MCPH1: variants seen among roughly 807,000 people sequenced by gnomAD.
MCPH1 encodes microcephalin.
In MCPH1, 104 loss-of-function variants were observed where a neutral mutation model predicts 84.5. The ratio of observed to expected loss-of-function variants is 1.23; its 90% CI spans 1.05 to 1.45. MCPH1 has a LOEUF of 1.45. Ranked by LOEUF, MCPH1 falls within the 40% of genes most tolerant of loss-of-function variation. MCPH1 has a pLI of 0.00. For missense variants in MCPH1, 1,498 were observed against 1,005.7 expected, an observed-to-expected ratio of 1.49 and a Z score of -6.62; for synonymous variants, 514 against 366.8, an observed-to-expected ratio of 1.40 and a Z score of -4.58.
chr8:6,417,551 C>A (rs1799494477), intron 3 of MCPH1, among the ~76,000 whole-genome samples: 1 of 151,736 alleles, frequency 6.6e-6, no homozygotes, highest in East Asian at 1.9e-4. Context: ...GATCTTTTTT[C>A]AAGTTCATTG....
chr8:6,410,511 A>G (rs1280820846), intron 2 of MCPH1, among the ~76,000 whole-genome samples: 2 of 152,206 alleles, frequency 1.3e-5, no homozygotes, highest in Non-Finnish European at 2.9e-5. Flanking sequence ...TAGTATAGCC[A>G]TCTCTGTTAT....
intron 12 of MCPH1, among the ~76,000 whole-genome samples, chr8:6,507,272 A>G (rs949708088): frequency 3.3e-5 from 5 of 152,244 alleles, no homozygotes; most frequent in Non-Finnish European, 7.3e-5. Context: ...ACTTTCATTT[A>G]TAAAACATGT....
intron 3 of MCPH1, among the ~76,000 whole-genome samples, chr8:6,427,834 C>T (rs575061836): frequency 1.4e-4 from 21 of 151,116 alleles, no homozygotes; most frequent in African/African-American, 4.4e-4. Flanking sequence ...GCTCTGTCGC[C>T]CAGACTGGAG....
intron 12 of MCPH1, among the ~76,000 whole-genome samples, chr8:6,558,338 C>T (rs977024275): frequency 2.0e-5 from 3 of 152,052 alleles, no homozygotes; most frequent in African/African-American, 7.2e-5. Context: ...TTTTACCTTG[C>T]CCATATCTTA....
At chr8:6,579,746 C>T (rs959896811) in intron 12 of MCPH1, among the ~76,000 whole-genome samples, 1 of 152,144 alleles carries the variant, frequency 6.6e-6, no homozygotes, top group Non-Finnish European at 1.5e-5. Context: ...CTCTTTACAG[C>T]CCCAAAGCAC....
At chr8:6,466,281 C>G (rs1348558844) in intron 9 of MCPH1, among the ~76,000 whole-genome samples, 1 of 151,596 alleles carries the variant, frequency 6.6e-6, no homozygotes, top group Non-Finnish European at 1.5e-5. Context: ...GTACTAGAGG[C>G]ACGTTCCATC....
At chr8:6,495,820 G>A (rs1811161690) in intron 11 of MCPH1, among the ~76,000 whole-genome samples, 1 of 152,180 alleles carries the variant, frequency 6.6e-6, no homozygotes. Flanking sequence ...AAAGCGGAAT[G>A]TAAAACATAC....
chr8:6,430,461 G>A (rs1280326487), intron 3 of MCPH1, among the ~76,000 whole-genome samples: 1 of 152,220 alleles, frequency 6.6e-6, no homozygotes, highest in Non-Finnish European at 1.5e-5. Flanking sequence ...AAGGGGGTCA[G>A]GGATGCCAGG....
intron 12 of MCPH1, among the ~76,000 whole-genome samples, chr8:6,533,975 G>A (rs537526807): frequency 7.2e-5 from 11 of 152,200 alleles, no homozygotes; most frequent in Admixed American, 7.2e-4. Context: ...GATTAGGCTG[G>A]AACTATAAGT....
chr8:6,472,827 T>C (rs924372802), intron 9 of MCPH1, among the ~76,000 whole-genome samples: 1 of 152,138 alleles, frequency 6.6e-6, no homozygotes, highest in Non-Finnish European at 1.5e-5. Context: ...AGGCAAAATA[T>C]CAAAAATTAT....
chr8:6,556,330 A>AT (rs1215685007), intron 12 of MCPH1, among the ~76,000 whole-genome samples: 1 of 152,076 alleles, frequency 6.6e-6, no homozygotes, highest in Admixed American at 6.5e-5. Flanking sequence ...TATATTCTCC[A>AT]TTTTTTGCAG....
At chr8:6,480,459 C>G (rs755921364) in intron 10 of MCPH1, among the ~76,000 whole-genome samples, 26 of 152,196 alleles carry the variant, frequency 1.7e-4, no homozygotes, top group Non-Finnish European at 2.4e-4. Flanking sequence ...CCTACCCAGC[C>G]CAGCCACTGT....
At position 6,416,778 on chromosome 8, in the gene MCPH1, G is replaced by C. The variant is rs557096996; in HGVS notation, c.233+1895G>C. 2.0e-5 allele frequency among the ~76,000 whole-genome samples: 3 copies of C among 152,156 alleles called. No individual in the cohort carries two copies. The East Asian group carries it at 5.8e-4, about 29-fold the overall frequency. ...GGAGGCCGAGGGGGGTGGATCACCTGAGATTAGGAGTTTGAGACCAGCCTG... is the reference window on the plus strand; with the variant it reads ...GGAGGCCGAGGGGGGTGGATCACCTCAGATTAGGAGTTTGAGACCAGCCTG... On this transcript the variant is annotated intron_variant, in intron 3 of 13. Coordinates refer to ENST00000344683, the MANE Select transcript of MCPH1 (RefSeq NM_024596.5).
At chr8:6,560,428 A>C (rs890888115) in intron 12 of MCPH1, among the ~76,000 whole-genome samples, 1 of 152,198 alleles carries the variant, frequency 6.6e-6, no homozygotes, top group African/African-American at 2.4e-5. Context: ...AAAACACAGG[A>C]GAAAAACAAA....
chr8:6,513,991 G>A (rs1815720942), intron 12 of MCPH1: 2 of 760,580 alleles, frequency 2.6e-6, no homozygotes, highest in Non-Finnish European at 4.1e-6. Flanking sequence ...CCTTCCCAAA[G>A]GAAAATGGAT....
intron 8 of MCPH1, chr8:6,447,382 G>A (rs1337014914): frequency 1.2e-5 from 12 of 985,188 alleles, no homozygotes; most frequent in Admixed American, 6.2e-5. Flanking sequence ...CTTTAATGTC[G>A]AAATAAAGGG....
At chr8:6,408,727 T>A (rs1277332261) in intron 1 of MCPH1, among the ~76,000 whole-genome samples, 3 of 151,874 alleles carry the variant, frequency 2.0e-5, no homozygotes, top group African/African-American at 7.3e-5. Context: ...CCTGGCTAAT[T>A]AAAAACAAAA....
At chr8:6,610,289 T>G (rs1248557026) in intron 12 of MCPH1, among the ~76,000 whole-genome samples, 1 of 152,244 alleles carries the variant, frequency 6.6e-6, no homozygotes, top group Non-Finnish European at 1.5e-5. Context: ...ACGAGCCACC[T>G]TGATTTTAGA....
intron 12 of MCPH1, among the ~76,000 whole-genome samples, chr8:6,510,416 T>C (rs564302273): frequency 2.7e-4 from 41 of 152,362 alleles, no homozygotes; most frequent in African/African-American, 9.9e-4. Context: ...TAAAACCTGC[T>C]AATGTTTGCA....
Sources: allele counts gnomAD v4.1 joint callset (sites outside exome capture counted in the v4.1 genomes callset), GRCh38; gene constraint gnomAD v4.1.1; transcripts MANE v1.5; gene names NCBI Gene and HGNC (gene_info 2026-07-23, HGNC 2026-07-21).